The following COL10A1 variants were observed in gnomAD, a reference collection of about 807,000 sequenced individuals.
COL10A1 encodes collagen alpha-1(X) chain.
COL10A1 carries 10 observed loss-of-function variants against 18.2 expected under a neutral mutation model. The ratio of observed to expected loss-of-function variants is 0.55; its 90% confidence interval spans 0.34 to 0.93. The LOEUF (loss-of-function observed/expected upper bound fraction) is 0.93, where lower values mean the gene tolerates loss of function less well. COL10A1 is among the 40% of genes least tolerant of loss of function. The probability of loss-of-function intolerance (pLI) is 0.02; values close to 1 mark genes in which losing one functional copy is unlikely to be tolerated. For synonymous variants in COL10A1, 330 were observed against 316.6 expected (o/e 1.04, Z -0.45); for missense variants, 897 against 853.5 (o/e 1.05, Z -0.64).
intron 1 of COL10A1, among the ~76,000 whole-genome samples, chr6:116,132,548 T>G (rs1018751434): frequency 6.6e-6 from 1 of 152,136 alleles, no homozygotes; most frequent in Non-Finnish European, 1.5e-5. Flanking sequence ...TTTCATAGAC[T>G]CAGCTGTAAG....
chr6:116,180,030 T>C, the COL10A1 span, among the ~76,000 whole-genome samples: 1 of 152,136 alleles, frequency 6.6e-6, no homozygotes, highest in African/African-American at 2.4e-5. Context: ...TTGTTTTTTA[T>C]TGCAAAATAC....
At position 116,131,143 on chromosome 6, in the gene COL10A1, G is replaced by C. The variant is rs962378428; in HGVS notation, c.-15-5636C>G. Reference sequence around the variant, plus strand: ...TAACAACCAACCTGAGGGTGAAGGAGATGTGTTTGCTGATCTCCGTGGTAT... The same window carrying C: ...TAACAACCAACCTGAGGGTGAAGGACATGTGTTTGCTGATCTCCGTGGTAT... On this transcript the variant is annotated intron_variant, in intron 1 of 1. Coordinates refer to the COL10A1 transcript ENST00000418500. Among the ~76,000 whole-genome samples, 4 of 152,134 alleles carry C rather than the reference G, an allele frequency of 2.6e-5. No homozygotes were observed. The South Asian group carries it at 6.2e-4, about 24-fold the overall frequency.
chr6:116,205,110 C>A, the COL10A1 span, among the ~76,000 whole-genome samples: 30 of 151,948 alleles, frequency 2.0e-4, no homozygotes, highest in Admixed American at 2.0e-3. Flanking sequence ...TTCTTAGTTT[C>A]TGTTTCTGGT....
the COL10A1 span, among the ~76,000 whole-genome samples, chr6:116,173,804 A>G: frequency 6.6e-6 from 1 of 152,164 alleles, no homozygotes. Flanking sequence ...TTATTATGGT[A>G]CCTTTGTCAC....
intron 1 of COL10A1, among the ~76,000 whole-genome samples, chr6:116,150,117 T>C (rs1157401786): frequency 6.6e-6 from 1 of 152,136 alleles, no homozygotes. Context: ...AGTCGAGTCT[T>C]TGACAAGGGC....
At chr6:116,183,043 A>G in the COL10A1 span, among the ~76,000 whole-genome samples, 2 of 152,116 alleles carry the variant, frequency 1.3e-5, no homozygotes, top group African/African-American at 2.4e-5. Context: ...TCTTAAGTTG[A>G]TTTTTATATA....
At chr6:116,188,570 A>G in the COL10A1 span, among the ~76,000 whole-genome samples, 3 of 152,074 alleles carry the variant, frequency 2.0e-5, no homozygotes, top group East Asian at 5.8e-4. Flanking sequence ...TTTATAAAAT[A>G]GATATTAAAA....
At chr6:116,215,115 C>G in the COL10A1 span, among the ~76,000 whole-genome samples, 1 of 152,116 alleles carries the variant, frequency 6.6e-6, no homozygotes, top group East Asian at 1.9e-4. Flanking sequence ...TTTCCTGGTT[C>G]TGAACATTGT....
chr6:116,120,003 A>C lies in COL10A1; in HGVS notation c.*70T>G. On this transcript the variant is annotated 3_prime_UTR_variant, in exon 3 of 3. Coordinates refer to ENST00000651968, the MANE Select transcript of COL10A1 (RefSeq NM_000493.4). The stretch of plus-strand genomic sequence containing the variant: ...TTCTTTTCAGCCTACCTCCATATGC[A>C]TTTTGTAGGGTGGGGTAGAGTTAGA... The C allele has an allele frequency of 7.5e-7, 1 of 1,324,516 alleles. No homozygotes were observed. Among genetic ancestry groups the C allele is most frequent in the South Asian group, 1.2e-5 (1 of 84,612 alleles). 82.0% of individuals were successfully genotyped at this position (1,324,516 alleles called of 1,614,324 possible).
At chr6:116,176,373 G>A in the COL10A1 span, among the ~76,000 whole-genome samples, 3 of 152,180 alleles carry the variant, frequency 2.0e-5, no homozygotes, top group Non-Finnish European at 4.4e-5. Flanking sequence ...TGGGCCTGGA[G>A]GCAGGGTATA....
chr6:116,165,559 G>C, the COL10A1 span, among the ~76,000 whole-genome samples: 1 of 152,110 alleles, frequency 6.6e-6, no homozygotes. Flanking sequence ...ATTTTTGTCT[G>C]ACTGGGTTAA....
At chr6:116,147,667 A>C (rs1367754856) in intron 1 of COL10A1, among the ~76,000 whole-genome samples, 1 of 152,232 alleles carries the variant, frequency 6.6e-6, no homozygotes, top group Non-Finnish European at 1.5e-5. Context: ...GCAAATAGAA[A>C]CTGTTACAAG....
the COL10A1 span, among the ~76,000 whole-genome samples, chr6:116,178,974 A>C: frequency 6.6e-6 from 1 of 152,218 alleles, no homozygotes; most frequent in South Asian, 2.1e-4. Context: ...GTAGAAAGAA[A>C]AGATTATTCT....
At chr6:116,194,919 A>G in the COL10A1 span, among the ~76,000 whole-genome samples, 33 of 152,200 alleles carry the variant, frequency 2.2e-4, no homozygotes, top group African/African-American at 7.9e-4. Context: ...ACTGATAACC[A>G]AAAGTCATAG....
Position 116,120,831 on chromosome 6 carries a change from C to T in COL10A1, c.1285G>A (p.Ala429Thr), listed in dbSNP as rs781272026. 1.4e-5 allele frequency: 23 copies of T among 1,613,890 alleles called. No individual in the cohort carries two copies. The South Asian group carries it at 2.5e-4, about 18-fold the overall frequency. The change falls in exon 3 of 3, where the codon GCA (alanine) becomes ACA (threonine). Residue 429 changes from alanine to threonine, a missense_variant. Transcript: ENST00000651968. ...GLPGPVGPAGAKGMPGHNGEA... is the reference protein window; with the variant it reads ...GLPGPVGPAGTKGMPGHNGEA... Reference sequence around the variant, plus strand: ...CCATTGTGTCCGGGCATTCCCTTTGCTCCTGCTGGGCCCACAGGGCCTGGG... The same window carrying T: ...CCATTGTGTCCGGGCATTCCCTTTGTTCCTGCTGGGCCCACAGGGCCTGGG...
the COL10A1 span, among the ~76,000 whole-genome samples, chr6:116,165,890 C>G: frequency 6.6e-6 from 1 of 152,332 alleles, no homozygotes; most frequent in Non-Finnish European, 1.5e-5. Context: ...ATTCCCCATG[C>G]AGGGTAGTAG....
At chr6:116,177,124 A>G in the COL10A1 span, among the ~76,000 whole-genome samples, 1 of 152,200 alleles carries the variant, frequency 6.6e-6, no homozygotes, top group Non-Finnish European at 1.5e-5. Context: ...AGTGTCTCAT[A>G]GAGTGAATTG....
chr6:116,140,271 A>G (rs1779734271), intron 1 of COL10A1, among the ~76,000 whole-genome samples: 1 of 152,150 alleles, frequency 6.6e-6, no homozygotes, highest in Admixed American at 6.5e-5. Flanking sequence ...CTTACAAACT[A>G]GCTGAAATGC....
chr6:116,161,151 T>C (rs896917194), upstream of COL10A1, among the ~76,000 whole-genome samples: 1 of 130,642 alleles, frequency 7.7e-6, no homozygotes, highest in Admixed American at 9.5e-5. Flanking sequence ...TGAGAACACA[T>C]GGACACAGGA....
Sources: allele counts gnomAD v4.1 joint callset (sites outside exome capture counted in the v4.1 genomes callset), GRCh38; gene constraint gnomAD v4.1.1; transcripts MANE v1.5; gene names NCBI Gene and HGNC (gene_info 2026-07-23, HGNC 2026-07-21).